The following HCFC2 variants were observed in gnomAD, a reference collection of about 807,000 sequenced individuals.
The protein encoded by HCFC2 is host cell factor C2.
Under a neutral mutation model 89.2 loss-of-function variants are expected in HCFC2, and 18 were observed. That is an observed-to-expected ratio of 0.20 (90% CI 0.14 to 0.30). HCFC2 has a LOEUF of 0.30. Among genes scored for constraint, HCFC2 ranks in the 10% least tolerant of loss-of-function variants. HCFC2 has a pLI of 1.00. For missense variants in HCFC2, 578 were observed against 956.1 expected (o/e 0.60, Z 5.21); for synonymous variants, 308 against 335.7 (o/e 0.92, Z 0.90).
At chr12:104,080,904 G>C (rs1330062215) in intron 5 of HCFC2, 74 bp downstream of exon 5, 5 of 885,390 alleles carry the variant, frequency 5.6e-6, no homozygotes, top group Non-Finnish European at 7.1e-6. Flanking sequence ...AGAAAGTAAT[G>C]CTAGTAGTTT....
rs1654824899 is a variant in HCFC2 at position 104,105,115 on chromosome 12, A to G, written c.*1842A>G. 1 of 152,058 alleles carries G rather than the reference A, an allele frequency of 6.6e-6. No homozygotes were observed. The highest frequency in any genetic ancestry group is 2.4e-5 in the African/African-American group (1 of 41,462). 9.4% of individuals were successfully genotyped at this position (152,058 alleles called of 1,614,324 possible). A position where few individuals can be genotyped will look rare whatever the true frequency, so the allele number is the denominator to read the frequency against. ...CTGATATAGGCTAAACAAATACTTA[A>G]CCAAAGTTAAAATACATGGTAAGCA... On this transcript the variant is annotated 3_prime_UTR_variant, in exon 15 of 15. Transcript: ENST00000229330.
At position 104,079,483 on chromosome 12, in the gene HCFC2, G is replaced by C. The variant is rs1358793784; in HGVS notation, c.512G>C (p.Gly171Ala). The C allele has an allele frequency of 1.2e-6, 2 of 1,614,068 alleles. No homozygotes were observed. Among genetic ancestry groups the C allele is most frequent in the Non-Finnish European group, 8.5e-7 (1 of 1,179,960 alleles). The change falls in exon 4 of 15, where the codon GGC becomes GCC. Residue 171 changes from glycine to alanine, a missense_variant. Transcript: ENST00000229330. ...TTTTATGAGTTGGAGCTACAGCATG[G>C]CTCTGGTGTTGTGGGTTGGAGCATT... is the stretch of plus-strand genomic sequence containing the variant. ...NDFYELELQH[G>A]SGVVGWSIPV...
chr12:104,090,337 T>C (rs1332336691), intron 9 of HCFC2, among the ~76,000 whole-genome samples: 1 of 152,170 alleles, frequency 6.6e-6, no homozygotes, highest in African/African-American at 2.4e-5. Context: ...CCTTTATATA[T>C]GACCTAATTT....
Position 104,065,437 on chromosome 12 carries a change from A to AT in HCFC2, c.164-721dup, listed in dbSNP as rs918971207. Among the ~76,000 whole-genome samples the AT allele has an allele frequency of 1.4e-4, 22 of 151,938 alleles. No individual in the cohort carries two copies. The East Asian group carries it at 2.7e-3, about 19-fold the overall frequency. ...TGGAATAGAAAGGAAACTGGATTTA[A>AT]TTTTTTTTTCCCCTTGTAAATGCTC... On this transcript the variant is annotated intron_variant, in intron 1 of 14. Transcript: ENST00000229330.
At position 104,091,204 on chromosome 12, in the gene HCFC2, A is replaced by G. The variant is rs190671869; in HGVS notation, c.1285-2182A>G. 1.1e-3 allele frequency among the ~76,000 whole-genome samples: 164 copies of G among 152,258 alleles called. 1 individual carries two copies. Among genetic ancestry groups the G allele is most frequent in the Non-Finnish European group, 1.9e-3 (128 of 68,020 alleles). On this transcript the variant is annotated intron_variant, in intron 9 of 14. Coordinates refer to ENST00000229330, the MANE Select transcript of HCFC2 (RefSeq NM_013320.3). ...GCGTAGTCTAGAGACTCACATTTCA[A>G]CCTTTCTGCCTATTTCCCATCTTCA... is the stretch of plus-strand genomic sequence containing the variant.
At chr12:104,098,134 G>A in intron 12 of HCFC2, 1 of 439,984 alleles carries the variant, frequency 2.3e-6, no homozygotes, top group Non-Finnish European at 4.0e-6. Context: ...CTGACTTGGA[G>A]AATGCCTGTC....
intron 7 of HCFC2, among the ~76,000 whole-genome samples, chr12:104,083,554 T>G (rs2466552): frequency 0.053 from 8,100 of 151,990 alleles, 395 homozygotes; most frequent in Non-Finnish European, 0.068. Flanking sequence ...GAAATCTGAG[T>G]TGTCTATAGT....
chr12:104,091,966 C>T (rs1295439934), intron 9 of HCFC2, among the ~76,000 whole-genome samples: 1 of 152,114 alleles, frequency 6.6e-6, no homozygotes, highest in Non-Finnish European at 1.5e-5. Flanking sequence ...AGGGCAAGCA[C>T]AGGGCATATT....
At chr12:104,066,033 A>G (rs34011860) in intron 1 of HCFC2, 134 bp from the exon 2 acceptor site, 115,413 of 820,540 alleles carry the variant, frequency 0.14, 8,658 homozygotes, top group Middle Eastern at 0.21. Flanking sequence ...ATGTCACCAG[A>G]CATTACCAAA....
At chr12:104,087,439 GTGTA>G (rs778469542) in intron 8 of HCFC2, among the ~76,000 whole-genome samples, 2,100 of 99,166 alleles carry the variant, frequency 0.021, 25 homozygotes, top group South Asian at 0.044. Flanking sequence ...GTGTGTGTGT[GTGTA>G]TGTGTGTGTG....
At position 104,103,115 on chromosome 12, in the gene HCFC2, T is replaced by C. The variant is rs1565817456; in HGVS notation, c.2221T>C (p.Cys741Arg). The change falls in exon 15 of 15, where the codon TGT becomes CGT. Residue 741 changes from cysteine to arginine, a missense_variant. By Grantham distance (180) the Cys-to-Arg change is radical. Around this residue, in one of 4 missense-constraint regions of HCFC2, gnomAD observed 140 missense variants for 266.4 expected, o/e 0.53. Coordinates refer to ENST00000229330, the MANE Select transcript of HCFC2 (RefSeq NM_013320.3). ...GATTTATTGTGGTCTTAAGACATCATGTATAGTAACTGCTGGGCAACTTGC... is the reference window on the plus strand; with the variant it reads ...GATTTATTGTGGTCTTAAGACATCACGTATAGTAACTGCTGGGCAACTTGC... ...MRIYCGLKTS[C>R]IVTAGQLANA... is the part of the protein sequence containing the mutation. The C allele has an allele frequency of 6.2e-7, 1 of 1,614,154 alleles. No individual in the cohort carries two copies. Among genetic ancestry groups the C allele is most frequent in the Non-Finnish European group, 8.5e-7 (1 of 1,179,984 alleles).
intron 12 of HCFC2, 107 bp from the exon 13 acceptor site, chr12:104,098,236 G>T: frequency 1.3e-6 from 1 of 798,888 alleles, no homozygotes; most frequent in Admixed American, 3.0e-5. Context: ...ATGTTGTGGT[G>T]TTTATCCAAA....
Position 104,064,731 on chromosome 12 carries a change from C to A in HCFC2, c.163+8C>A, listed in dbSNP as rs374844012. ...TGCACGTCTACAACACGGGTAGGCG[C>A]GGCGGCGGCTCGTCGGCCCCGCCTG... On this transcript the variant is annotated splice_region_variant and intron_variant, in intron 1 of 14. Transcript: ENST00000229330. The surrounding 1 kb of genome is among the most constrained non-coding windows in gnomAD (Gnocchi z 7.3). The A allele has an allele frequency of 7.1e-6, 11 of 1,544,674 alleles. No individual in the cohort carries two copies. Among genetic ancestry groups the A allele is most frequent in the Admixed American group, 4.1e-5 (2 of 49,266 alleles).
At chr12:104,100,263 A>G (rs1357538345) in intron 13 of HCFC2, among the ~76,000 whole-genome samples, 3 of 152,140 alleles carry the variant, frequency 2.0e-5, no homozygotes, top group Non-Finnish European at 4.4e-5. Flanking sequence ...TATTAAATAG[A>G]TAACAGCTCC....
At chr12:104,070,154 C>A (rs921994520) in intron 3 of HCFC2, among the ~76,000 whole-genome samples, 8 of 151,930 alleles carry the variant, frequency 5.3e-5, no homozygotes, top group African/African-American at 1.9e-4. Flanking sequence ...ACCCGAGTAG[C>A]TGGGACTACA....
At chr12:104,087,445 G>GTA (rs1437898938) in intron 8 of HCFC2, among the ~76,000 whole-genome samples, 11 of 76,138 alleles carry the variant, frequency 1.4e-4, no homozygotes, top group South Asian at 4.6e-4. Context: ...GTGTGTGTAT[G>GTA]TGTGTGTGTA....
In HCFC2 at chr12:104,101,990, A is replaced by C; in HGVS notation, c.1901A>C (p.Asp634Ala). 1 of 1,610,028 alleles carries C rather than the reference A, an allele frequency of 6.2e-7. No homozygotes were observed. The highest frequency in any genetic ancestry group is 8.5e-7 in the Non-Finnish European group (1 of 1,177,562). Residue 634 changes from aspartate (D) to alanine (A), a missense_variant, in exon 14 of 15, where the codon GAC becomes GCC. By Grantham distance (126) the Asp-to-Ala change is moderately radical. Coordinates refer to ENST00000229330, the MANE Select transcript of HCFC2 (RefSeq NM_013320.3). ...ISKVGNADVPDYSLLKKQDLV... is the reference protein window; with the variant it reads ...ISKVGNADVPAYSLLKKQDLV... ...TAGGTAGGAAATGCAGATGTACCTG[A>C]CTACAGCTTGCTTAAGAAACAAGAT...
chr12:104,095,348 CT>C lies in HCFC2; in HGVS notation c.1463-8del. ...TATCATATTAATAATTACCTTTTCC[CT>C]TTTATTTTAGGTCCTCACACTTCAG... is the stretch of plus-strand genomic sequence containing the variant. On this transcript the variant is annotated splice_polypyrimidine_tract_variant and intron_variant, in intron 10 of 14. Coordinates refer to ENST00000229330, the MANE Select transcript of HCFC2 (RefSeq NM_013320.3). The surrounding 1 kb of genome is among the most constrained non-coding windows in gnomAD (Gnocchi z 4.2). The C allele has an allele frequency of 1.9e-6, 3 of 1,597,654 alleles. No homozygotes were observed. Among genetic ancestry groups the C allele is most frequent in the Non-Finnish European group, 2.6e-6 (3 of 1,165,986 alleles).
Position 104,095,341 on chromosome 12 carries a change from C to T in HCFC2, c.1463-19C>T, listed in dbSNP as rs200462855. 4,046 of 1,571,972 alleles carry T rather than the reference C, an allele frequency of 2.6e-3. 6 individuals carry two copies. Among genetic ancestry groups the T allele is most frequent in the Admixed American group, 2.8e-3 (170 of 59,754 alleles). On this transcript the variant is annotated intron_variant, in intron 10 of 14. Coordinates refer to ENST00000229330, the MANE Select transcript of HCFC2 (RefSeq NM_013320.3). The surrounding 1 kb of genome is among the most constrained non-coding windows in gnomAD (Gnocchi z 4.2). ...CTGCAGATATCATATTAATAATTAC[C>T]TTTTCCCTTTTATTTTAGGTCCTCA... is the stretch of plus-strand genomic sequence containing the variant.
Sources: allele counts gnomAD v4.1 joint callset (sites outside exome capture counted in the v4.1 genomes callset), GRCh38; gene constraint gnomAD v4.1.1; regional missense constraint gnomAD v4.1.1; non-coding constraint Gnocchi (gnomAD v3.1); transcripts MANE v1.5; gene names NCBI Gene and HGNC (gene_info 2026-07-23, HGNC 2026-07-21).